NAALADL2: variants seen among roughly 807,000 people sequenced by gnomAD.
The protein encoded by NAALADL2 is N-acetylated alpha-linked acidic dipeptidase like 2, also known as inactive N-acetylated-alpha-linked acidic dipeptidase-like protein 2.
NAALADL2 carries 76 observed loss-of-function variants against 87.2 expected under a neutral mutation model. The observed-to-expected ratio is 0.87, with a 90% CI of 0.72 to 1.05. The LOEUF (loss-of-function observed/expected upper bound fraction) is 1.05. NAALADL2 is among the 50% of genes least tolerant of loss of function. The pLI, the probability that NAALADL2 is intolerant of heterozygous loss-of-function variation, is 0.00. For missense variants in NAALADL2, 1,089 were observed against 945.8 expected (o/e 1.15, Z -1.99); for synonymous variants, 354 against 331.0 (o/e 1.07, Z -0.75).
chr3:175,520,594 G>A (rs557545275), intron 9 of NAALADL2, among the ~76,000 whole-genome samples: 2 of 152,114 alleles, frequency 1.3e-5, no homozygotes, highest in East Asian at 1.9e-4. Context: ...CACCGCGCCC[G>A]GCCCAAGAAT....
intron 5 of NAALADL2, among the ~76,000 whole-genome samples, chr3:175,445,620 T>G (rs2149216960): frequency 6.6e-6 from 1 of 152,276 alleles, no homozygotes; most frequent in South Asian, 2.1e-4. Flanking sequence ...CTTTTCTCCT[T>G]TTTCCTAAAA....
At chr3:174,824,932 G>C (rs1008696260) in intron 3 of NAALADL2, among the ~76,000 whole-genome samples, 1 of 152,140 alleles carries the variant, frequency 6.6e-6, no homozygotes, top group Admixed American at 6.5e-5. Flanking sequence ...CAAGCAATGA[G>C]AAATAGAAGC....
intron 3 of NAALADL2, among the ~76,000 whole-genome samples, chr3:174,805,671 A>G (rs1374679928): frequency 1.3e-5 from 2 of 152,196 alleles, no homozygotes; most frequent in African/African-American, 2.4e-5. Flanking sequence ...TTACAAAAGC[A>G]TAATCAACTT....
chr3:174,540,307 A>G (rs1722106402), intron 1 of NAALADL2, among the ~76,000 whole-genome samples: 1 of 152,170 alleles, frequency 6.6e-6, no homozygotes, highest in Non-Finnish European at 1.5e-5. Flanking sequence ...TGGTAACTGT[A>G]TGCAGCAGAG....
At chr3:175,266,208 T>G (rs111794531) in intron 4 of NAALADL2, among the ~76,000 whole-genome samples, 3 of 151,190 alleles carry the variant, frequency 2.0e-5, no homozygotes, top group African/African-American at 7.2e-5. Flanking sequence ...TTTTCCTAAA[T>G]TAATATATTC....
chr3:174,460,652 A>G (rs1716158862), intron 1 of NAALADL2, among the ~76,000 whole-genome samples: 1 of 151,764 alleles, frequency 6.6e-6, no homozygotes, highest in Non-Finnish European at 1.5e-5. Flanking sequence ...CTTTTTCAAC[A>G]TATAGAGAAC....
Position 174,582,272 on chromosome 3 carries a change from A to G in NAALADL2, c.-115+31635A>G, listed in dbSNP as rs529252359. 9.7e-4 allele frequency among the ~76,000 whole-genome samples: 148 copies of G among 152,340 alleles called. 4 individuals are homozygous for G. The South Asian group carries it at 0.029, about 30-fold the overall frequency. The stretch of plus-strand genomic sequence containing the variant: ...AGAATAAATGGGGTTGAAGAAGTGG[A>G]GACAACTAATGTTGAAATCAATAGC... On this transcript the variant is annotated intron_variant, in intron 2 of 3. Transcript: ENST00000434257.
rs1262746624 is a variant in NAALADL2, at chr3:175,365,276, G to T, written c.1090+40951G>T. ...CAGTAATGAGTTACAGCAATAATTT[G>T]TTTTTACATATTAATATAAAATAAA... is the stretch of plus-strand genomic sequence containing the variant. On this transcript the variant is annotated intron_variant, in intron 5 of 13. Coordinates refer to ENST00000454872, the MANE Select transcript of NAALADL2 (RefSeq NM_207015.3). Among the ~76,000 whole-genome samples, 2 of 146,986 alleles carry T rather than the reference G, an allele frequency of 1.4e-5. 1 individual carries two copies. The highest frequency in any genetic ancestry group is 4.0e-4 in the East Asian group (2 of 4,988).
At chr3:174,615,510 G>A (rs189057176) in intron 2 of NAALADL2, among the ~76,000 whole-genome samples, 9 of 152,092 alleles carry the variant, frequency 5.9e-5, no homozygotes, top group Non-Finnish European at 8.8e-5. Context: ...ATTTAGAAGC[G>A]TATTGCTTGG....
intron 1 of NAALADL2, among the ~76,000 whole-genome samples, chr3:175,072,339 A>G (rs1715801531): frequency 6.6e-6 from 1 of 151,964 alleles, no homozygotes; most frequent in Admixed American, 6.6e-5. Context: ...ATTTAGATTT[A>G]AAGTCATGAT....
chr3:175,550,588 G>A (rs1018839251), intron 9 of NAALADL2, among the ~76,000 whole-genome samples: 4 of 152,166 alleles, frequency 2.6e-5, no homozygotes, highest in Admixed American at 6.5e-5. Flanking sequence ...ACAGGAAAGC[G>A]GTGATTATAG....
At chr3:174,600,120 C>T (rs546814333) in intron 2 of NAALADL2, among the ~76,000 whole-genome samples, 2 of 151,876 alleles carry the variant, frequency 1.3e-5, no homozygotes, top group Non-Finnish European at 2.9e-5. Context: ...ATGATAATCC[C>T]TTACAGTGTC....
At chr3:175,107,511 T>TAC (rs776469358) in intron 2 of NAALADL2, among the ~76,000 whole-genome samples, 1,776 of 117,352 alleles carry the variant, frequency 0.015, 11 homozygotes, top group African/African-American at 0.02. Flanking sequence ...AACACACACA[T>TAC]ACACACACAC....
intron 3 of NAALADL2, among the ~76,000 whole-genome samples, chr3:174,774,604 A>G (rs1033262095): frequency 1.3e-5 from 2 of 152,162 alleles, no homozygotes; most frequent in African/African-American, 4.8e-5. Flanking sequence ...TACTAAGTAC[A>G]TGTCTTTTTC....
intron 1 of NAALADL2, among the ~76,000 whole-genome samples, chr3:175,084,340 G>A (rs981211762): frequency 3.9e-5 from 6 of 152,178 alleles, no homozygotes; most frequent in East Asian, 1.9e-4. Context: ...ATCAGCTGCC[G>A]GCAAGTTGGG....
intron 11 of NAALADL2, among the ~76,000 whole-genome samples, chr3:175,705,704 G>A (rs916919475): frequency 2.0e-5 from 3 of 151,988 alleles, no homozygotes; most frequent in Non-Finnish European, 4.4e-5. Context: ...TAAAGATGAG[G>A]ACTCTGAAAT....
At chr3:174,500,266 G>T (rs1718801571) in intron 1 of NAALADL2, among the ~76,000 whole-genome samples, 2 of 152,016 alleles carry the variant, frequency 1.3e-5, no homozygotes, top group South Asian at 4.2e-4. Context: ...GTTATACGTG[G>T]ATCTTGGATC....
intron 2 of NAALADL2, among the ~76,000 whole-genome samples, chr3:174,651,370 A>C (rs1302748785): frequency 6.6e-6 from 1 of 152,190 alleles, no homozygotes; most frequent in Non-Finnish European, 1.5e-5. Context: ...CAAAACTTGG[A>C]GTGGATACAT....
intron 2 of NAALADL2, among the ~76,000 whole-genome samples, chr3:174,556,634 GA>G (rs780021794): frequency 6.6e-6 from 1 of 152,048 alleles, no homozygotes; most frequent in Non-Finnish European, 1.5e-5. Flanking sequence ...TTTCCCTCAG[GA>G]AATAATTTAC....
Sources: allele counts gnomAD v4.1 joint callset (sites outside exome capture counted in the v4.1 genomes callset), GRCh38; gene constraint gnomAD v4.1.1; transcripts MANE v1.5; gene names NCBI Gene and HGNC (gene_info 2026-07-23, HGNC 2026-07-21).